The following HTR2C variants were observed in gnomAD, a reference collection of about 807,000 sequenced individuals.
The protein encoded by HTR2C is 5-hydroxytryptamine receptor 2C, also known as 5-hydroxytryptamine (serotonin) receptor 2C, G protein-coupled.
A neutral mutation model predicts 21.0 loss-of-function variants in HTR2C; 5 were observed. The observed-to-expected ratio is 0.24, with a 90% CI of 0.12 to 0.50. HTR2C has a LOEUF of 0.50. Among genes scored for constraint, HTR2C ranks in the 20% least tolerant of loss-of-function variants. The pLI is 0.98. For synonymous variants in HTR2C, 150 were observed against 145.3 expected (o/e 1.03, Z -0.23); for missense variants, 271 against 371.2 (o/e 0.73, Z 2.22).
chrX:114,719,139 A>G (rs1467772551), intron 2 of HTR2C, among the ~76,000 whole-genome samples: 6 of 107,968 alleles, frequency 5.6e-5, no homozygotes, highest in African/African-American at 2.0e-4. Context: ...AAATTAGTCA[A>G]TTATTCCGTC....
intron 2 of HTR2C, chrX:114,715,197 G>A (rs1932967010): frequency 6.0e-6 from 2 of 332,896 alleles, no homozygotes; most frequent in Admixed American, 5.5e-5. Flanking sequence ...CCTTTATATA[G>A]GATGTCTTGA....
intron 4 of HTR2C, among the ~76,000 whole-genome samples, chrX:114,831,748 A>T (rs371767585): frequency 9.5e-6 from 1 of 104,856 alleles, no homozygotes; most frequent in Non-Finnish European, 2.0e-5. Flanking sequence ...ATTGCTTTTG[A>T]TGTTTTAGAC....
chrX:114,801,310 T>G (rs896150383), intron 4 of HTR2C, among the ~76,000 whole-genome samples: 11 of 111,320 alleles, frequency 9.9e-5, no homozygotes, highest in African/African-American at 3.6e-4. Context: ...CTAATTTACC[T>G]GGAATCTAAG....
intron 4 of HTR2C, among the ~76,000 whole-genome samples, chrX:114,800,798 T>A (rs951863171): frequency 4.5e-5 from 5 of 111,327 alleles, no homozygotes; most frequent in Admixed American, 9.7e-5. Flanking sequence ...GTATTGGTGA[T>A]CATATAATAT....
chrX:114,722,540 T>C (rs1556420930), intron 2 of HTR2C, among the ~76,000 whole-genome samples: 1 of 110,803 alleles, frequency 9.0e-6, no homozygotes, highest in Non-Finnish European at 1.9e-5. Flanking sequence ...GGCCAGCACT[T>C]CCAACACTAT....
intron 4 of HTR2C, among the ~76,000 whole-genome samples, chrX:114,847,789 A>G (rs2070885807): frequency 1.8e-5 from 2 of 111,051 alleles, no homozygotes; most frequent in Admixed American, 1.9e-4. Flanking sequence ...GATTAATTTT[A>G]TGTTGTGTAA....
chrX:114,769,822 A>G (rs1301318272), intron 4 of HTR2C, among the ~76,000 whole-genome samples: 1 of 111,376 alleles, frequency 9.0e-6, no homozygotes, highest in African/African-American at 3.3e-5. Context: ...AAGAGAAAAG[A>G]GTTTTCATTC....
Position 114,612,160 on chromosome X carries a change from ATATTT to A in HTR2C, c.-146-1651_-146-1647del, listed in dbSNP as rs1166257056. On this transcript the variant is annotated intron_variant, in intron 1 of 5. Coordinates refer to ENST00000276198, the MANE Select transcript of HTR2C (RefSeq NM_000868.4). Reference sequence around the variant, plus strand: ...TAAATGCGGCTATAACATTTATTGAATATTTTATATTATACTTCAAATATGTTAAT... The same window carrying A: ...TAAATGCGGCTATAACATTTATTGAATATATTATACTTCAAATATGTTAAT... Among the ~76,000 whole-genome samples, 7 of 111,949 alleles carry A rather than the reference ATATTT, an allele frequency of 6.3e-5. No individual in the cohort carries two copies. In the Admixed American group the frequency reaches 6.7e-4, roughly 11 times the overall value.
At chrX:114,696,512 A>G (rs1556415893) in intron 2 of HTR2C, among the ~76,000 whole-genome samples, 2 of 111,964 alleles carry the variant, frequency 1.8e-5, no homozygotes, top group Admixed American at 1.9e-4. Flanking sequence ...AGTGTAGAAA[A>G]TAAGATTAGA....
intron 4 of HTR2C, among the ~76,000 whole-genome samples, chrX:114,750,871 G>T (rs2069755249): frequency 9.0e-6 from 1 of 111,713 alleles, no homozygotes; most frequent in East Asian, 2.8e-4. Context: ...ACACCAACGT[G>T]TCCAGTTTTA....
chrX:114,836,293 C>T (rs1355406246), intron 4 of HTR2C, among the ~76,000 whole-genome samples: 4 of 111,244 alleles, frequency 3.6e-5, no homozygotes, highest in African/African-American at 9.7e-5. Context: ...TGGCGGGCGC[C>T]CCTCCCCCAG....
At chrX:114,605,142 T>C (rs1928349548) in intron 1 of HTR2C, among the ~76,000 whole-genome samples, 1 of 111,705 alleles carries the variant, frequency 9.0e-6, no homozygotes, top group Non-Finnish European at 1.9e-5. Context: ...CGCTATCTGA[T>C]TTGGGATAAA....
rs181362203 is a variant in HTR2C, at chrX:114,584,098, C to G, written c.-708C>G. ...GATTCACCCGCGCGAGGTAGGCGCTCTGGTGCTTGCCGAGGACGCTTCCTT... is the reference window on the plus strand; with the variant it reads ...GATTCACCCGCGCGAGGTAGGCGCTGTGGTGCTTGCCGAGGACGCTTCCTT... On this transcript the variant is annotated 5_prime_UTR_variant, in exon 1 of 6. Transcript: ENST00000276198. The G allele has an allele frequency of 3.6e-5, 4 of 112,154 alleles. No individual in the cohort carries two copies. The highest frequency in any genetic ancestry group is 1.3e-4 in the African/African-American group (4 of 30,833). The allele number at this position is 112,154 out of a possible 1,213,427, so 9.2% of individuals were successfully genotyped here. A position where few individuals can be genotyped will look rare whatever the true frequency, so the allele number is the denominator to read the frequency against.
Position 114,827,673 on chromosome X carries a change from C to A in HTR2C, c.350-20330C>A, listed in dbSNP as rs782087313. Among the ~76,000 whole-genome samples, 3 of 110,692 alleles carry A rather than the reference C, an allele frequency of 2.7e-5. No individual in the cohort carries two copies. In the East Asian group the frequency reaches 8.6e-4, roughly 32 times the overall value. The stretch of plus-strand genomic sequence containing the variant: ...GACCAAGTCTCCTAGTTTAGAGAGA[C>A]TTGTTTTAGAGCAATGAGTTCCTAG... On this transcript the variant is annotated intron_variant, in intron 4 of 5. Transcript: ENST00000276198.
At chrX:114,707,077 A>G (rs73638461) in intron 2 of HTR2C, among the ~76,000 whole-genome samples, 3,163 of 111,883 alleles carry the variant, frequency 0.028, 128 homozygotes, top group African/African-American at 0.097. Context: ...TAATCTGTCA[A>G]TGACTACAAG....
At chrX:114,829,852 T>A (rs1461728083) in intron 4 of HTR2C, among the ~76,000 whole-genome samples, 1 of 111,708 alleles carries the variant, frequency 9.0e-6, no homozygotes, top group Non-Finnish European at 1.9e-5. Flanking sequence ...TCCTTATACT[T>A]GTACCACATT....
At chrX:114,753,955 G>C (rs782664657) in intron 4 of HTR2C, among the ~76,000 whole-genome samples, 3 of 111,252 alleles carry the variant, frequency 2.7e-5, no homozygotes, top group African/African-American at 6.5e-5. Context: ...TCAAAATGTC[G>C]GTAGGATTGC....
chrX:114,777,253 A>G (rs1371093861), intron 4 of HTR2C, among the ~76,000 whole-genome samples: 1 of 111,501 alleles, frequency 9.0e-6, no homozygotes, highest in Non-Finnish European at 1.9e-5. Context: ...CTTTAGTCTG[A>G]ACAGTTCATA....
chrX:114,882,804 TTCATC>T (rs1461626839), intron 5 of HTR2C, among the ~76,000 whole-genome samples: 5 of 110,651 alleles, frequency 4.5e-5, no homozygotes. Flanking sequence ...TTGTGTTGTC[TTCATC>T]TCATTTTGGT....
Sources: gnomAD v4.1 joint callset for allele counts (sites outside exome capture counted in the v4.1 genomes callset) on GRCh38, gnomAD v4.1.1 for gene constraint, MANE v1.5 for transcripts, NCBI Gene and HGNC (gene_info 2026-07-23, HGNC 2026-07-21) for gene names.